Variants in WAPL observed in about 807,000 individuals in gnomAD.
WAPL encodes the protein wings apart-like protein homolog.
In WAPL, 5 loss-of-function variants were observed where a neutral mutation model predicts 121.0. The ratio of observed to expected loss-of-function variants is 0.04; its 90% confidence interval spans 0.02 to 0.09. The LOEUF (loss-of-function observed/expected upper bound fraction) is 0.09. WAPL is among the 10% of genes least tolerant of loss of function. WAPL has a pLI of 1.00. For missense variants in WAPL, 999 were observed against 1,410.8 expected (o/e 0.71, Z 4.68); for synonymous variants, 480 against 481.5 (o/e 1.00, Z 0.04).
chr10:86,520,766 T>TAAAAAAAAAAA, intron 1 of WAPL, among the ~76,000 whole-genome samples: 1 of 98,100 alleles, frequency 1.0e-5, no homozygotes, highest in Non-Finnish European at 2.1e-5. Flanking sequence ...CGCTGTGATT[T>TAAAAAAAAAAA]AAAAAAAAAA....
chr10:86,476,469 G>A (rs1202684540), intron 4 of WAPL, among the ~76,000 whole-genome samples: 10 of 151,788 alleles, frequency 6.6e-5, no homozygotes, highest in African/African-American at 2.4e-4. Flanking sequence ...CAGGCGGATC[G>A]ACTGAGGTCA....
intron 2 of WAPL, among the ~76,000 whole-genome samples, chr10:86,515,337 TAC>T (rs936070052): frequency 4.6e-5 from 7 of 151,824 alleles, no homozygotes; most frequent in African/African-American, 1.5e-4. Flanking sequence ...CAGAGCCTTG[TAC>T]AGTGGTTTGA....
intron 3 of WAPL, 44 bp from the exon 4 acceptor site, chr10:86,497,363 T>C (rs954888010): frequency 7.2e-7 from 1 of 1,381,212 alleles, no homozygotes; most frequent in African/African-American, 1.5e-5. Context: ...ATATTTCAAA[T>C]TACCTACCAG....
chr10:86,437,975 T>C lies in WAPL; in HGVS notation c.3452A>G (p.Asp1151Gly), dbSNP rs1849366029. The C allele has an allele frequency of 1.2e-6, 2 of 1,613,934 alleles. No individual in the cohort carries two copies. Among genetic ancestry groups the C allele is most frequent in the African/African-American group, 1.3e-5 (1 of 75,044 alleles). ...TTVREYLPEG[D>G]FSIMTEMLKK... The stretch of plus-strand genomic sequence containing the variant: ...GAGCATCTCTGTCATTATTGAAAAG[T>C]CTCCTTCTGGCAGATATTCCCGCAC... The change falls in exon 18 of 19, where the codon GAC becomes GGC. Residue 1151 changes from aspartate (D) to glycine (G), a missense_variant. Asp to Gly is a moderately conservative substitution (Grantham distance 94, BLOSUM62 -1). Around this residue, in one of 7 missense-constraint regions of WAPL, gnomAD observed 35 missense variants for 80.3 expected, o/e 0.44. Transcript: ENST00000298767.
intron 16 of WAPL, among the ~76,000 whole-genome samples, chr10:86,445,593 T>C (rs1024859519): frequency 2.0e-5 from 3 of 152,012 alleles, no homozygotes; most frequent in Admixed American, 6.6e-5. Flanking sequence ...GGCACAATCA[T>C]AGCTCACTGT....
intron 4 of WAPL, among the ~76,000 whole-genome samples, chr10:86,490,986 C>T (rs935454265): frequency 1.3e-5 from 2 of 151,412 alleles, no homozygotes; most frequent in Non-Finnish European, 2.9e-5. Context: ...GCACTTGAAC[C>T]CAGGAGGCGG....
intron 4 of WAPL, among the ~76,000 whole-genome samples, chr10:86,492,579 G>T (rs1020936399): frequency 2.6e-5 from 4 of 151,996 alleles, no homozygotes; most frequent in African/African-American, 9.7e-5. Flanking sequence ...CAATGCAACC[G>T]GTGAAATAGC....
At position 86,521,549 on chromosome 10, in the gene WAPL, G is replaced by C. The variant is rs1490363529; in HGVS notation, c.-207C>G. 3 of 382,732 alleles carry C rather than the reference G, an allele frequency of 7.8e-6. No homozygotes were observed. The highest frequency in any genetic ancestry group is 5.8e-5 in the South Asian group (3 of 51,372). 23.7% of individuals were successfully genotyped at this position (382,732 alleles called of 1,614,324 possible). On this transcript the variant is annotated 5_prime_UTR_variant, in exon 1 of 19. Transcript: ENST00000298767. Reference sequence around the variant, plus strand: ...TTGGGGGGGCAGGAGCGGCGGCCCCGCAACTTCCCTCCCCGCCTCGAGCGC... The same window carrying C: ...TTGGGGGGGCAGGAGCGGCGGCCCCCCAACTTCCCTCCCCGCCTCGAGCGC...
chr10:86,449,913 T>C (rs7093222), intron 15 of WAPL, among the ~76,000 whole-genome samples: 146,501 of 152,334 alleles, frequency 0.96, 70,592 homozygotes, highest in East Asian at 1. Flanking sequence ...CGGTTCTATA[T>C]CTCAATGTAG....
At chr10:86,484,681 T>C (rs900674624) in intron 4 of WAPL, among the ~76,000 whole-genome samples, 2 of 152,224 alleles carry the variant, frequency 1.3e-5, no homozygotes, top group Admixed American at 1.3e-4. Context: ...GCTCCATTCA[T>C]GGTTAAGTGT....
chr10:86,459,109 T>C (rs944233731), intron 11 of WAPL, 44 bp from the exon 12 acceptor site: 1 of 1,486,722 alleles, frequency 6.7e-7, no homozygotes, highest in Non-Finnish European at 9.2e-7. Context: ...TCCAAAACTT[T>C]CATTCATTCA....
intron 4 of WAPL, among the ~76,000 whole-genome samples, chr10:86,485,512 G>C (rs1800625963): frequency 6.6e-6 from 1 of 151,940 alleles, no homozygotes; most frequent in Admixed American, 6.6e-5. Context: ...ACTCCAGCCT[G>C]GGCAACAGAG....
chr10:86,457,318 TG>T (rs1841171795), intron 12 of WAPL, among the ~76,000 whole-genome samples: 1 of 106,398 alleles, frequency 9.4e-6, no homozygotes, highest in Non-Finnish European at 1.8e-5. Flanking sequence ...AGCAAGACCC[TG>T]TATCTATTAA....
intron 17 of WAPL, among the ~76,000 whole-genome samples, chr10:86,442,031 TTTC>T (rs922073417): frequency 3.3e-5 from 5 of 150,096 alleles, no homozygotes; most frequent in Non-Finnish European, 7.4e-5. Context: ...AGCTTTTTCT[TTTC>T]TTCTTTTTTT....
chr10:86,455,653 G>A (rs1441434976), intron 12 of WAPL, among the ~76,000 whole-genome samples: 10 of 117,716 alleles, frequency 8.5e-5, no homozygotes, highest in Admixed American at 2.9e-4. Flanking sequence ...CCCCCTCTCC[G>A]AGAAACACCC....
chr10:86,455,889 G>T (rs1841135008), intron 12 of WAPL, among the ~76,000 whole-genome samples: 1 of 152,128 alleles, frequency 6.6e-6, no homozygotes, highest in Non-Finnish European at 1.5e-5. Flanking sequence ...TAGGTTCCCA[G>T]AGGTGCTATA....
intron 13 of WAPL, 139 bp downstream of exon 13, chr10:86,453,517 T>C: frequency 8.2e-7 from 1 of 1,224,764 alleles, no homozygotes; most frequent in Non-Finnish European, 1.1e-6. Context: ...TAAAAGCAAT[T>C]TAAACCTACA....
chr10:86,501,202 T>C (rs537831285), intron 2 of WAPL, among the ~76,000 whole-genome samples: 2 of 152,360 alleles, frequency 1.3e-5, no homozygotes, highest in South Asian at 4.1e-4. Context: ...ATGCTAGTTC[T>C]ATCCAGAAAC....
chr10:86,442,035 TTC>T, intron 17 of WAPL, among the ~76,000 whole-genome samples: 1 of 149,642 alleles, frequency 6.7e-6, no homozygotes, highest in African/African-American at 2.5e-5. Context: ...TTTTCTTTTC[TTC>T]TTTTTTTTTG....
Sources: allele counts gnomAD v4.1 joint callset (sites outside exome capture counted in the v4.1 genomes callset), GRCh38; gene constraint gnomAD v4.1.1; regional missense constraint gnomAD v4.1.1; transcripts MANE v1.5; gene names NCBI Gene and HGNC (gene_info 2026-07-23, HGNC 2026-07-21).